Variants in FOXN3 observed in about 807,000 individuals in gnomAD.
The protein encoded by FOXN3 is forkhead box protein N3.
FOXN3 carries 7 observed loss-of-function variants against 38.4 expected under a neutral mutation model. That is an observed-to-expected ratio of 0.18 (90% CI 0.10 to 0.34). The LOEUF (loss-of-function observed/expected upper bound fraction) is 0.34. Among genes scored for constraint, FOXN3 ranks in the 10% least tolerant of loss-of-function variants. FOXN3 has a pLI of 1.00. For missense variants in FOXN3, 456 were observed against 613.4 expected (o/e 0.74, Z 2.71); for synonymous variants, 230 against 242.2 (o/e 0.95, Z 0.47).
At chr14:89,533,713 GAAAGCTTATTATCAGC>G (rs1252359797) in intron 1 of FOXN3, among the ~76,000 whole-genome samples, 1 of 146,010 alleles carries the variant, frequency 6.8e-6, no homozygotes, top group Admixed American at 6.8e-5. Context: ...TATTTAAGGT[GAAAGCTTATTATCAGC>G]AAAGTACTGA....
chr14:89,502,988 C>T (rs1219416684), intron 1 of FOXN3, among the ~76,000 whole-genome samples: 1 of 152,198 alleles, frequency 6.6e-6, no homozygotes, highest in Non-Finnish European at 1.5e-5. Context: ...GCTTGAAAAT[C>T]TCTTACCTGG....
chr14:89,440,100 G>C (rs527538793), intron 1 of FOXN3, among the ~76,000 whole-genome samples: 3 of 152,174 alleles, frequency 2.0e-5, no homozygotes, highest in South Asian at 4.1e-4. Context: ...TATTACCTAG[G>C]GGGTACCTGG....
At chr14:89,555,280 A>T (rs1566698143) in intron 1 of FOXN3, among the ~76,000 whole-genome samples, 1 of 152,194 alleles carries the variant, frequency 6.6e-6, no homozygotes, top group African/African-American at 2.4e-5. Flanking sequence ...TTGGCCAAAG[A>T]TATGCATTTT....
At chr14:89,253,709 G>A (rs1183667465) in intron 4 of FOXN3, among the ~76,000 whole-genome samples, 4 of 151,716 alleles carry the variant, frequency 2.6e-5, no homozygotes, top group African/African-American at 7.3e-5. Context: ...TAAATCTTTG[G>A]CCTCCTCCTC....
chr14:89,474,257 A>C (rs1893165416), intron 1 of FOXN3, among the ~76,000 whole-genome samples: 1 of 152,230 alleles, frequency 6.6e-6, no homozygotes, highest in South Asian at 2.1e-4. Context: ...AGAGTGAGTC[A>C]CTGCTGGTGA....
At chr14:89,454,492 A>T (rs1049317141) in intron 1 of FOXN3, among the ~76,000 whole-genome samples, 1 of 152,270 alleles carries the variant, frequency 6.6e-6, no homozygotes, top group Non-Finnish European at 1.5e-5. Context: ...TGACAAAGAC[A>T]TATGCAATTG....
intron 1 of FOXN3, among the ~76,000 whole-genome samples, chr14:89,564,141 C>T (rs1282295155): frequency 6.6e-6 from 1 of 152,088 alleles, no homozygotes; most frequent in African/African-American, 2.4e-5. Context: ...AGGCATGAGC[C>T]ACCGTGCCTG....
intron 4 of FOXN3, among the ~76,000 whole-genome samples, chr14:89,232,958 C>T (rs934989092): frequency 6.6e-6 from 1 of 152,196 alleles, no homozygotes; most frequent in Admixed American, 6.5e-5. Context: ...ACCCAAGAAA[C>T]AGTCATAGTA....
intron 3 of FOXN3, among the ~76,000 whole-genome samples, chr14:89,336,058 T>TAA (rs993228771): frequency 2.0e-5 from 3 of 152,006 alleles, no homozygotes; most frequent in African/African-American, 7.3e-5. Context: ...AACAAACGTA[T>TAA]AAATAATCCC....
intron 1 of FOXN3, among the ~76,000 whole-genome samples, chr14:89,453,516 C>T (rs1476508778): frequency 4.8e-5 from 7 of 144,566 alleles, no homozygotes; most frequent in Non-Finnish European, 1.0e-4. Context: ...GCCGAGATCA[C>T]GCCATTGCAC....
intron 3 of FOXN3, among the ~76,000 whole-genome samples, chr14:89,332,778 G>A (rs10130093): frequency 0.18 from 27,990 of 151,976 alleles, 2,872 homozygotes; most frequent in South Asian, 0.3. Context: ...CCTACAGGAC[G>A]GAGAAAATAC....
At chr14:89,401,043 C>G (rs1217258884) in intron 2 of FOXN3, among the ~76,000 whole-genome samples, 1 of 152,166 alleles carries the variant, frequency 6.6e-6, no homozygotes, top group Non-Finnish European at 1.5e-5. Context: ...CAAAACAGTG[C>G]CTGGCACTCC....
At chr14:89,606,330 G>A (rs1175928742) in intron 1 of FOXN3, among the ~76,000 whole-genome samples, 1 of 151,898 alleles carries the variant, frequency 6.6e-6, no homozygotes, top group African/African-American at 2.4e-5. Context: ...CTATTTTGAG[G>A]TATACATAAT....
At chr14:89,614,812 T>A (rs1896460451) in intron 1 of FOXN3, among the ~76,000 whole-genome samples, 1 of 152,208 alleles carries the variant, frequency 6.6e-6, no homozygotes, top group African/African-American at 2.4e-5. Context: ...ACAAAAATGA[T>A]GTCTATGAAA....
chr14:89,432,281 T>C (rs1278036188), intron 1 of FOXN3, among the ~76,000 whole-genome samples: 1 of 152,214 alleles, frequency 6.6e-6, no homozygotes, highest in East Asian at 1.9e-4. Flanking sequence ...GAATGTCCAG[T>C]GACGGCCCTA....
chr14:89,363,530 C>T (rs891927732), intron 2 of FOXN3, among the ~76,000 whole-genome samples: 1 of 152,224 alleles, frequency 6.6e-6, no homozygotes, highest in African/African-American at 2.4e-5. Flanking sequence ...ACCACTTGTC[C>T]TCTTAGCTTC....
At position 89,417,165 on chromosome 14, in the gene FOXN3, G is replaced by C. The variant is rs1891766507; in HGVS notation, c.-309C>G. On this transcript the variant is annotated 5_prime_UTR_variant, in exon 1 of 6. Transcript: ENST00000557258. ...CCGCCTCCCGCTCGCCTCCGCCGCG[G>C]CGCGTCGGGCCGGGGCGCGCCGAGC... 1 of 145,294 alleles carries C rather than the reference G, an allele frequency of 6.9e-6. No homozygotes were observed. Among genetic ancestry groups the C allele is most frequent in the African/African-American group, 2.5e-5 (1 of 40,602 alleles). The allele number at this position is 145,294 out of a possible 1,614,324, so 9.0% of individuals were successfully genotyped here.
At chr14:89,401,810 A>G in intron 2 of FOXN3, 1 of 370,094 alleles carries the variant, frequency 2.7e-6, no homozygotes, top group Non-Finnish European at 5.3e-6. Flanking sequence ...AACTCCAATA[A>G]ATAGAAAGAA....
intron 4 of FOXN3, among the ~76,000 whole-genome samples, chr14:89,239,444 T>A (rs1885078680): frequency 6.6e-6 from 1 of 152,186 alleles, no homozygotes; most frequent in African/African-American, 2.4e-5. Context: ...TCACTCTCCC[T>A]TTTCAAGGCC....
Sources: gnomAD v4.1 joint callset for allele counts (sites outside exome capture counted in the v4.1 genomes callset) on GRCh38, gnomAD v4.1.1 for gene constraint, MANE v1.5 for transcripts, NCBI Gene and HGNC (gene_info 2026-07-23, HGNC 2026-07-21) for gene names.